The following SLC24A3 variants were observed in gnomAD, a reference collection of about 807,000 sequenced individuals.
SLC24A3 encodes the protein solute carrier family 24 member 3, also known as sodium/potassium/calcium exchanger 3.
SLC24A3 carries 28 observed loss-of-function variants against 75.8 expected under a neutral mutation model. That is an observed-to-expected ratio of 0.37 (90% CI 0.27 to 0.51). SLC24A3 has a LOEUF of 0.51. Among genes scored for constraint, SLC24A3 ranks in the 20% least tolerant of loss-of-function variants. The pLI, the probability that SLC24A3 is intolerant of heterozygous loss-of-function variation, is 0.94. For missense variants in SLC24A3, 663 were observed against 847.8 expected (o/e 0.78, Z 2.71); for synonymous variants, 372 against 334.1 (o/e 1.11, Z -1.24).
chr20:19,462,599 C>T (rs1041762693), intron 2 of SLC24A3, among the ~76,000 whole-genome samples: 4 of 152,188 alleles, frequency 2.6e-5, no homozygotes, highest in Non-Finnish European at 4.4e-5. Flanking sequence ...GGAGAGGCGT[C>T]CCTTTGCCTC....
chr20:19,335,059 T>G (rs921918070), intron 2 of SLC24A3, among the ~76,000 whole-genome samples: 1 of 152,208 alleles, frequency 6.6e-6, no homozygotes, highest in African/African-American at 2.4e-5. Context: ...TGCAGTAATA[T>G]AGCTTGAAAT....
At chr20:19,399,062 T>A (rs1986506121) in intron 2 of SLC24A3, among the ~76,000 whole-genome samples, 1 of 152,166 alleles carries the variant, frequency 6.6e-6, no homozygotes. Flanking sequence ...GTTGTCAAAT[T>A]TATTGACATA....
At chr20:19,667,175 G>A (rs2032408463) in intron 8 of SLC24A3, among the ~76,000 whole-genome samples, 2 of 152,186 alleles carry the variant, frequency 1.3e-5, no homozygotes, top group Admixed American at 6.5e-5. Flanking sequence ...TCACATTGAT[G>A]ATAAATGTTA....
At chr20:19,217,044 C>A (rs928721744) in intron 1 of SLC24A3, among the ~76,000 whole-genome samples, 1 of 152,218 alleles carries the variant, frequency 6.6e-6, no homozygotes, top group Non-Finnish European at 1.5e-5. Context: ...CCTCTCCATG[C>A]GATCTCTTTA....
At chr20:19,385,148 C>A (rs1986251397) in intron 2 of SLC24A3, among the ~76,000 whole-genome samples, 2 of 152,192 alleles carry the variant, frequency 1.3e-5, no homozygotes, top group South Asian at 2.1e-4. Context: ...AGTTATGATG[C>A]AATCCCATTT....
intron 6 of SLC24A3, among the ~76,000 whole-genome samples, chr20:19,616,680 AG>A (rs2031740880): frequency 6.6e-6 from 1 of 152,072 alleles, no homozygotes; most frequent in Admixed American, 6.6e-5. Flanking sequence ...AATCATCTGG[AG>A]GACATGGGAA....
intron 6 of SLC24A3, among the ~76,000 whole-genome samples, chr20:19,619,823 G>A (rs2122673876): frequency 6.6e-6 from 1 of 152,314 alleles, no homozygotes; most frequent in Non-Finnish European, 1.5e-5. Flanking sequence ...CTTAAAAGAA[G>A]ACCAAGTCTG....
At chr20:19,342,667 C>G (rs908971177) in intron 2 of SLC24A3, among the ~76,000 whole-genome samples, 1 of 152,150 alleles carries the variant, frequency 6.6e-6, no homozygotes, top group Non-Finnish European at 1.5e-5. Flanking sequence ...TTATTTTCAT[C>G]TTTGTATCTC....
At chr20:19,602,433 G>T (rs897839082) in intron 6 of SLC24A3, among the ~76,000 whole-genome samples, 2 of 152,108 alleles carry the variant, frequency 1.3e-5, no homozygotes, top group East Asian at 3.9e-4. Flanking sequence ...TTGCTATAAA[G>T]ATATGACTTC....
At chr20:19,470,082 C>T (rs1987842423) in intron 2 of SLC24A3, among the ~76,000 whole-genome samples, 1 of 151,850 alleles carries the variant, frequency 6.6e-6, no homozygotes, top group African/African-American at 2.4e-5. Context: ...TGTGAAGATG[C>T]CCTGCCACCT....
chr20:19,228,977 A>G (rs1213931317), intron 1 of SLC24A3, among the ~76,000 whole-genome samples: 1 of 152,224 alleles, frequency 6.6e-6, no homozygotes, highest in Non-Finnish European at 1.5e-5. Context: ...AAGCATGGAA[A>G]TTATTTGTAT....
chr20:19,561,387 T>C (rs1220277708), intron 3 of SLC24A3, among the ~76,000 whole-genome samples: 2 of 152,114 alleles, frequency 1.3e-5, no homozygotes, highest in African/African-American at 4.8e-5. Flanking sequence ...CTAAATCATG[T>C]GTTTGTTAGA....
rs186057744 is a variant in SLC24A3 at position 19,620,573 on chromosome 20, C to T, written c.613-33489C>T. Among the ~76,000 whole-genome samples, 28 of 152,330 alleles carry T rather than the reference C, an allele frequency of 1.8e-4. No homozygotes were observed. The East Asian group carries it at 3.9e-3, about 21-fold the overall frequency. ...GAGCAAACAGCTGGAATATTCACAC[C>T]AGTTGTCCTAGCTGTCACTGGGACA... On this transcript the variant is annotated intron_variant, in intron 6 of 16. Transcript: ENST00000328041.
At chr20:19,453,627 G>C (rs1165595019) in intron 2 of SLC24A3, among the ~76,000 whole-genome samples, 2 of 152,226 alleles carry the variant, frequency 1.3e-5, no homozygotes, top group Non-Finnish European at 2.9e-5. Context: ...CAGATGGTCA[G>C]TGTTGAAGTT....
chr20:19,430,678 A>G (rs1192809972), intron 2 of SLC24A3, among the ~76,000 whole-genome samples: 5 of 152,092 alleles, frequency 3.3e-5, no homozygotes, highest in Admixed American at 2.6e-4. Flanking sequence ...TCACACACAC[A>G]TACACATTTG....
intron 2 of SLC24A3, among the ~76,000 whole-genome samples, chr20:19,304,594 C>T (rs1035837015): frequency 2.0e-5 from 3 of 152,178 alleles, no homozygotes; most frequent in Admixed American, 2.0e-4. Context: ...TTGCACCCCT[C>T]GCTGTGCCTG....
At chr20:19,494,061 G>A (rs532831166) in intron 2 of SLC24A3, among the ~76,000 whole-genome samples, 1 of 152,230 alleles carries the variant, frequency 6.6e-6, no homozygotes, top group Non-Finnish European at 1.5e-5. Context: ...CTGCATGGAG[G>A]GGGAGAGGGT....
At chr20:19,290,841 A>G (rs936370812) in intron 2 of SLC24A3, among the ~76,000 whole-genome samples, 1 of 151,906 alleles carries the variant, frequency 6.6e-6, no homozygotes, top group Non-Finnish European at 1.5e-5. Context: ...AAGACACCAA[A>G]CCTGTCTTCC....
At chr20:19,233,650 A>G (rs1010886948) in intron 1 of SLC24A3, among the ~76,000 whole-genome samples, 6 of 152,236 alleles carry the variant, frequency 3.9e-5, no homozygotes, top group Admixed American at 1.3e-4. Context: ...GATATTGTGC[A>G]GGACTGATCT....
Sources: gnomAD v4.1 joint callset for allele counts (sites outside exome capture counted in the v4.1 genomes callset) on GRCh38, gnomAD v4.1.1 for gene constraint, MANE v1.5 for transcripts, NCBI Gene and HGNC (gene_info 2026-07-23, HGNC 2026-07-21) for gene names.